NSUN2: variants seen among roughly 807,000 people sequenced by gnomAD.
NSUN2 encodes NOP2/Sun RNA methyltransferase 2, also known as RNA cytosine C(5)-methyltransferase NSUN2.
A neutral mutation model predicts 92.7 loss-of-function variants in NSUN2; 63 were observed. The ratio of observed to expected loss-of-function variants is 0.68; its 90% CI spans 0.56 to 0.84. The LOEUF is 0.84. NSUN2 is among the 40% of genes least tolerant of loss of function. The pLI, the probability that NSUN2 is intolerant of heterozygous loss-of-function variation, is 0.00. For synonymous variants in NSUN2, 356 were observed against 348.3 expected (o/e 1.02, Z -0.25); for missense variants, 989 against 964.9 (o/e 1.02, Z -0.33).
chr5:6,620,066 C>A lies in NSUN2; in HGVS notation c.815+40G>T, dbSNP rs1330930257. The A allele has an allele frequency of 4.8e-6, 7 of 1,469,024 alleles. No individual in the cohort carries two copies. The African/African-American group carries it at 1.0e-4, about 21-fold the overall frequency. The allele number at this position is 1,469,024 out of a possible 1,614,324, so 91.0% of individuals were successfully genotyped here. A position where few individuals can be genotyped will look rare whatever the true frequency, so the allele number is the denominator to read the frequency against. ...TTTTAGTCTCTATTTGACTTGATTT[C>A]TTTAGTGGATTTGGGCTTTTTGGCC... On this transcript the variant is annotated intron_variant, in intron 7 of 18. Coordinates refer to ENST00000264670, the MANE Select transcript of NSUN2 (RefSeq NM_017755.6).
At chr5:6,627,963 T>C (rs1737720431) in intron 3 of NSUN2, among the ~76,000 whole-genome samples, 1 of 152,240 alleles carries the variant, frequency 6.6e-6, no homozygotes, top group African/African-American at 2.4e-5. Flanking sequence ...AGGACCACTG[T>C]CATCTTTGCA....
chr5:6,625,783 T>A (rs1737631605), intron 3 of NSUN2, 114 bp from the exon 4 acceptor site: 6 of 715,934 alleles, frequency 8.4e-6, no homozygotes, highest in Non-Finnish European at 1.5e-5. Flanking sequence ...TTGTTCTCCC[T>A]GCTCCTATTC....
intron 7 of NSUN2, among the ~76,000 whole-genome samples, chr5:6,618,913 G>A (rs771867397): frequency 4.6e-5 from 7 of 152,160 alleles, no homozygotes; most frequent in Non-Finnish European, 8.8e-5. Context: ...GAGGGACTAG[G>A]TCTGCAGGAT....
intron 17 of NSUN2, 25 bp from the exon 18 acceptor site, chr5:6,602,525 T>G (rs1431941153): frequency 6.2e-7 from 1 of 1,613,976 alleles, no homozygotes; most frequent in Admixed American, 1.7e-5. Context: ...GACACACATT[T>G]GCCAGGTTTT....
chr5:6,611,825 T>C, intron 9 of NSUN2, 27 bp from the exon 10 acceptor site: 2 of 1,607,294 alleles, frequency 1.2e-6, no homozygotes, highest in Admixed American at 1.7e-5. Context: ...TGGACGTCTT[T>C]TGTTTTTCAA....
rs779305608 is a variant in NSUN2 at position 6,600,182 on chromosome 5, T to G, written c.2048A>C (p.Lys683Thr). Residue 683 changes from lysine to threonine, a missense_variant, in exon 19 of 19, where the codon AAG becomes ACG. Around this residue, in one of 3 missense-constraint regions of NSUN2, gnomAD observed 626 missense variants for 602.3 expected, o/e 1.04. Transcript: ENST00000264670. ...GGGCACAAAAGTTCGAATGGAGGCC[T>G]TTCCCCGCCATCCGCATAAGACGAT... ...CPIVLCGWRG[K>T]ASIRTFVPKN... 11 of 1,614,092 alleles carry G rather than the reference T, an allele frequency of 6.8e-6. No homozygotes were observed. The South Asian group carries it at 1.2e-4, about 18-fold the overall frequency.
intron 18 of NSUN2, among the ~76,000 whole-genome samples, chr5:6,601,379 C>T (rs1043105156): frequency 1.3e-5 from 2 of 152,116 alleles, no homozygotes; most frequent in Admixed American, 1.3e-4. Context: ...ACTAGATGCT[C>T]CTGCCCGTTC....
chr5:6,616,883 A>G, intron 8 of NSUN2, 26 bp from the exon 9 acceptor site: 4 of 1,607,338 alleles, frequency 2.5e-6, no homozygotes, highest in Non-Finnish European at 3.4e-6. Flanking sequence ...AGATGACTGC[A>G]AGGCCAAATG....
chr5:6,632,572 C>T, intron 2 of NSUN2, 27 bp downstream of exon 2: 1 of 1,611,354 alleles, frequency 6.2e-7, no homozygotes, highest in Non-Finnish European at 8.5e-7. Context: ...GCCCCAACTC[C>T]CAAAAAATCA....
intron 3 of NSUN2, among the ~76,000 whole-genome samples, chr5:6,629,817 G>A (rs518673): frequency 0.34 from 51,475 of 151,962 alleles, 9,025 homozygotes; most frequent in Admixed American, 0.42. Flanking sequence ...GGGGAGATCT[G>A]ATGGTTTATT....
chr5:6,621,761 AG>A, intron 6 of NSUN2: 1 of 379,314 alleles, frequency 2.6e-6, no homozygotes, highest in Non-Finnish European at 4.8e-6. Flanking sequence ...AAAAAAAAAA[AG>A]AAATGCCATT....
intron 17 of NSUN2, 105 bp downstream of exon 17, chr5:6,604,033 T>A: frequency 9.6e-7 from 1 of 1,036,812 alleles, no homozygotes; most frequent in Non-Finnish European, 1.4e-6. Context: ...ATAAATAAAC[T>A]GAAAACTATG....
In NSUN2 at chr5:6,623,265, T is replaced by C. The variant is rs147958833; in HGVS notation, c.486A>G (p.Glu162=). ...ETESGNISRQ[E]AVSMIPPLLL... Reference sequence around the variant, plus strand: ...GCAGTGGTGGGATCATGCTAACAGCTTCTTGACGACTAATATTTCCCTTGA... The same window carrying C: ...GCAGTGGTGGGATCATGCTAACAGCCTCTTGACGACTAATATTTCCCTTGA... Residue 162 remains glutamate (E), a synonymous_variant, in exon 5 of 19, where the codon GAA becomes GAG. Transcript: ENST00000264670. The C allele has an allele frequency of 2.5e-4, 394 of 1,603,716 alleles. No homozygotes were observed. The highest frequency in any genetic ancestry group is 3.2e-4 in the Non-Finnish European group (379 of 1,177,726).
At position 6,623,293 on chromosome 5, in the gene NSUN2, A is replaced by T; in HGVS notation, c.466-8T>A. On this transcript the variant is annotated splice_region_variant and splice_polypyrimidine_tract_variant and intron_variant, in intron 4 of 18. Transcript: ENST00000264670. The stretch of plus-strand genomic sequence containing the variant: ...TTGACGACTAATATTTCCCTTGAGG[A>T]AAAAAAAAAAATCAGCAACAATTAG... The T allele has an allele frequency of 3.5e-6, 2 of 573,724 alleles. No individual in the cohort carries two copies. Among genetic ancestry groups the T allele is most frequent in the Non-Finnish European group, 4.9e-6 (2 of 411,552 alleles). The allele number at this position is 573,724 out of a possible 1,614,324, so 35.5% of individuals were successfully genotyped here.
chr5:6,608,789 A>G (rs1216240009), intron 12 of NSUN2, among the ~76,000 whole-genome samples: 3 of 152,230 alleles, frequency 2.0e-5, no homozygotes, highest in Non-Finnish European at 4.4e-5. Context: ...GACCACTTAA[A>G]ATGTGACAAG....
intron 18 of NSUN2, among the ~76,000 whole-genome samples, chr5:6,600,450 C>T (rs948977258): frequency 5.9e-5 from 9 of 152,206 alleles, no homozygotes; most frequent in Non-Finnish European, 7.3e-5. Flanking sequence ...CCCTCGCTTT[C>T]GCCCTGCCTC....
chr5:6,600,258 G>A, intron 18 of NSUN2, 26 bp from the exon 19 acceptor site: 4 of 1,597,074 alleles, frequency 2.5e-6, no homozygotes, highest in Non-Finnish European at 3.4e-6. Flanking sequence ...GCTTCATGTA[G>A]AACATTAAAC....
chr5:6,609,333 C>T (rs1029145863), intron 12 of NSUN2, among the ~76,000 whole-genome samples: 4 of 152,302 alleles, frequency 2.6e-5, no homozygotes, highest in African/African-American at 9.6e-5. Flanking sequence ...GGAAAGGAAC[C>T]AGCAGGCAGT....
chr5:6,617,151 A>G (rs573829129), intron 8 of NSUN2, among the ~76,000 whole-genome samples: 7 of 152,342 alleles, frequency 4.6e-5, no homozygotes, highest in Non-Finnish European at 7.4e-5. Context: ...ATGAAATTTC[A>G]CTATTTAAAA....
Sources: gnomAD v4.1 joint callset for allele counts (sites outside exome capture counted in the v4.1 genomes callset) on GRCh38, gnomAD v4.1.1 for gene constraint, gnomAD v4.1.1 regional missense constraint, MANE v1.5 for transcripts, NCBI Gene and HGNC (gene_info 2026-07-23, HGNC 2026-07-21) for gene names.